Variants in IGSF21 observed in about 807,000 individuals in gnomAD.
IGSF21 encodes immunoglobin superfamily member 21.
A neutral mutation model predicts 46.8 loss-of-function variants in IGSF21; 28 were observed. The observed-to-expected ratio is 0.60, with a 90% CI of 0.44 to 0.82. IGSF21 has a LOEUF of 0.82. Ranked by LOEUF, IGSF21 falls within the 40% of genes least tolerant of loss-of-function variation. The pLI, the probability that IGSF21 is intolerant of heterozygous loss-of-function variation, is 0.00. For synonymous variants in IGSF21, 284 were observed against 273.6 expected (o/e 1.04, Z -0.38); for missense variants, 624 against 665.5 (o/e 0.94, Z 0.69).
chr1:18,133,481 A>G (rs1007688560), intron 1 of IGSF21, among the ~76,000 whole-genome samples: 1 of 152,200 alleles, frequency 6.6e-6, no homozygotes, highest in Non-Finnish European at 1.5e-5. Context: ...TGCGGCTGTA[A>G]TTTACCCTTC....
intron 2 of IGSF21, among the ~76,000 whole-genome samples, chr1:18,233,339 G>T (rs1366145825): frequency 1.3e-5 from 2 of 152,166 alleles, no homozygotes; most frequent in Admixed American, 6.5e-5. Context: ...GTCCCCTCTG[G>T]GTTCTGCTGG....
chr1:18,362,238 C>T lies in IGSF21; in HGVS notation c.540+8C>T, dbSNP rs1217122699. 1 of 1,591,162 alleles carries T rather than the reference C, an allele frequency of 6.3e-7. No individual in the cohort carries two copies. Among genetic ancestry groups the T allele is most frequent in the Non-Finnish European group, 8.6e-7 (1 of 1,162,972 alleles). ...GGAAAACCAGCACCCATGGTGAGTACCCCTGGAGTGCCCAGCTCCTTCCTA... is the reference window on the plus strand; with the variant it reads ...GGAAAACCAGCACCCATGGTGAGTATCCCTGGAGTGCCCAGCTCCTTCCTA... On this transcript the variant is annotated splice_region_variant and intron_variant, in intron 5 of 9. Coordinates refer to ENST00000251296, the MANE Select transcript of IGSF21 (RefSeq NM_032880.5).
intron 4 of IGSF21, among the ~76,000 whole-genome samples, chr1:18,353,357 G>A (rs2085980651): frequency 6.6e-6 from 1 of 151,932 alleles, no homozygotes; most frequent in African/African-American, 2.4e-5. Flanking sequence ...GGATTGGAGG[G>A]AAGGATGCCT....
At chr1:18,181,985 C>T (rs2086861572) in intron 1 of IGSF21, among the ~76,000 whole-genome samples, 1 of 152,112 alleles carries the variant, frequency 6.6e-6, no homozygotes, top group Non-Finnish European at 1.5e-5. Flanking sequence ...CTAGGAATTT[C>T]CAGAGCTGTA....
intron 2 of IGSF21, among the ~76,000 whole-genome samples, chr1:18,276,556 A>AC (rs200075031): frequency 0.013 from 2,016 of 151,826 alleles, 30 homozygotes; most frequent in Admixed American, 0.026. Context: ...GAGATCGTAG[A>AC]CCCCCCGACC....
chr1:18,121,503 G>A (rs563065640), intron 1 of IGSF21, among the ~76,000 whole-genome samples: 2 of 152,244 alleles, frequency 1.3e-5, no homozygotes, highest in South Asian at 4.2e-4. Flanking sequence ...TGAAATTCAT[G>A]AGACGCTTAC....
intron 6 of IGSF21, among the ~76,000 whole-genome samples, chr1:18,366,793 C>T (rs762760579): frequency 2.6e-5 from 4 of 152,190 alleles, no homozygotes; most frequent in Non-Finnish European, 5.9e-5. Context: ...TGATCTGCAC[C>T]TCTCCCCACA....
At chr1:18,155,173 C>T (rs1180885463) in intron 1 of IGSF21, among the ~76,000 whole-genome samples, 1 of 152,096 alleles carries the variant, frequency 6.6e-6, no homozygotes, top group Non-Finnish European at 1.5e-5. Flanking sequence ...GATTTTGTCA[C>T]TTGCCTTTGT....
chr1:18,158,667 C>G (rs1248394963), intron 1 of IGSF21, among the ~76,000 whole-genome samples: 1 of 152,218 alleles, frequency 6.6e-6, no homozygotes, highest in African/African-American at 2.4e-5. Flanking sequence ...CTCTCAATCT[C>G]TCTGCCTTCA....
At chr1:18,187,118 C>T (rs777291608) in intron 1 of IGSF21, among the ~76,000 whole-genome samples, 2 of 151,934 alleles carry the variant, frequency 1.3e-5, no homozygotes, top group Non-Finnish European at 2.9e-5. Flanking sequence ...CTAGGAAGTC[C>T]AAGATCAGAT....
intron 1 of IGSF21, among the ~76,000 whole-genome samples, chr1:18,226,422 C>G (rs950908436): frequency 6.6e-6 from 1 of 152,160 alleles, no homozygotes; most frequent in Non-Finnish European, 1.5e-5. Flanking sequence ...AAAGGAGGAT[C>G]CGGGTTGGTC....
Position 18,108,112 on chromosome 1 carries a change from GC to G in IGSF21, c.-15del. The G allele has an allele frequency of 7.8e-7, 1 of 1,282,164 alleles. No individual in the cohort carries two copies. The highest frequency in any genetic ancestry group is 1.6e-5 in the South Asian group (1 of 62,314). The allele number at this position is 1,282,164 out of a possible 1,614,324, so 79.4% of individuals were successfully genotyped here. On this transcript the variant is annotated 5_prime_UTR_variant, in exon 1 of 10. Coordinates refer to ENST00000251296, the MANE Select transcript of IGSF21 (RefSeq NM_032880.5). ...CCACCCCCGCCGCCCCGCCACCGCC[GC>G]CAGCTCCCGGGCACCATGCGAACCG...
chr1:18,373,064 A>T (rs540815202), intron 6 of IGSF21, among the ~76,000 whole-genome samples: 1 of 152,334 alleles, frequency 6.6e-6, no homozygotes, highest in East Asian at 1.9e-4. Flanking sequence ...GAGCAGATAG[A>T]CATCACTTTA....
chr1:18,267,128 G>A (rs956932387), intron 2 of IGSF21, among the ~76,000 whole-genome samples: 5 of 152,212 alleles, frequency 3.3e-5, no homozygotes, highest in Non-Finnish European at 5.9e-5. Context: ...GACAGGGTAA[G>A]CATTGACCTC....
chr1:18,247,681 C>A (rs2084798452), intron 2 of IGSF21, among the ~76,000 whole-genome samples: 2 of 152,104 alleles, frequency 1.3e-5, no homozygotes. Flanking sequence ...AATATCAATA[C>A]CAATAACAAG....
chr1:18,343,577 C>G (rs1285533655), intron 4 of IGSF21, among the ~76,000 whole-genome samples: 6 of 152,198 alleles, frequency 3.9e-5, no homozygotes, highest in Non-Finnish European at 7.4e-5. Context: ...ATAGTTTTAG[C>G]TCTTACAGTT....
intron 1 of IGSF21, among the ~76,000 whole-genome samples, chr1:18,158,518 G>A (rs2086587831): frequency 6.6e-6 from 1 of 152,094 alleles, no homozygotes; most frequent in South Asian, 2.1e-4. Context: ...CCGGGTGTCT[G>A]CTGCCCACTC....
At chr1:18,174,597 C>A (rs995683398) in intron 1 of IGSF21, among the ~76,000 whole-genome samples, 16 of 152,200 alleles carry the variant, frequency 1.1e-4, no homozygotes, top group Non-Finnish European at 2.2e-4. Context: ...CCCGACTTCC[C>A]CCTGCCAGCT....
intron 2 of IGSF21, among the ~76,000 whole-genome samples, chr1:18,269,582 C>G (rs1360283291): frequency 6.6e-6 from 1 of 152,152 alleles, no homozygotes; most frequent in Non-Finnish European, 1.5e-5. Flanking sequence ...TGTCTGGGAG[C>G]TCCATAAGAG....
Sources: gnomAD v4.1 joint callset for allele counts (sites outside exome capture counted in the v4.1 genomes callset) on GRCh38, gnomAD v4.1.1 for gene constraint, MANE v1.5 for transcripts, NCBI Gene and HGNC (gene_info 2026-07-23, HGNC 2026-07-21) for gene names.